CDC42BPA: variants seen among roughly 807,000 people sequenced by gnomAD.
CDC42BPA encodes the protein CDC42 binding protein kinase alpha.
A neutral mutation model predicts 223.5 loss-of-function variants in CDC42BPA; 80 were observed. The observed-to-expected ratio is 0.36, with a 90% CI of 0.30 to 0.43. The LOEUF is 0.43. Among genes scored for constraint, CDC42BPA ranks in the 20% least tolerant of loss-of-function variants. The probability of loss-of-function intolerance (pLI) is 1.00; values close to 1 mark genes in which losing one functional copy is unlikely to be tolerated. For synonymous variants in CDC42BPA, 694 were observed against 718.6 expected (o/e 0.97, Z 0.55); for missense variants, 1,743 against 2,099.9 (o/e 0.83, Z 3.32).
intron 14 of CDC42BPA, among the ~76,000 whole-genome samples, chr1:227,105,307 A>G (rs1558507551): frequency 6.6e-6 from 1 of 151,154 alleles, no homozygotes; most frequent in South Asian, 2.1e-4. Context: ...ACTCCACCCA[A>G]ACCCTGGTAA....
At chr1:227,291,764 A>T (rs955029609) in intron 1 of CDC42BPA, among the ~76,000 whole-genome samples, 2 of 152,016 alleles carry the variant, frequency 1.3e-5, no homozygotes, top group Admixed American at 6.5e-5. Flanking sequence ...CACACTATTA[A>T]CCCTCAACAT....
At chr1:227,047,553 T>C (rs1388693801) in intron 23 of CDC42BPA, among the ~76,000 whole-genome samples, 1 of 152,016 alleles carries the variant, frequency 6.6e-6, no homozygotes, top group Non-Finnish European at 1.5e-5. Context: ...TTATGTCAAA[T>C]AGAATGGGAA....
intron 35 of CDC42BPA, among the ~76,000 whole-genome samples, chr1:226,998,927 A>T (rs1271992219): frequency 6.6e-6 from 1 of 152,192 alleles, no homozygotes; most frequent in Non-Finnish European, 1.5e-5. Flanking sequence ...AGAATCTACA[A>T]GGAACTTAAA....
At chr1:227,065,167 A>G (rs1180908073) in intron 21 of CDC42BPA, among the ~76,000 whole-genome samples, 1 of 152,004 alleles carries the variant, frequency 6.6e-6, no homozygotes, top group Non-Finnish European at 1.5e-5. Context: ...AATATTTTAC[A>G]TAACAATGTA....
chr1:227,294,924 T>G (rs967060476), intron 1 of CDC42BPA, among the ~76,000 whole-genome samples: 13 of 140,336 alleles, frequency 9.3e-5, no homozygotes, highest in African/African-American at 3.4e-4. Flanking sequence ...TTTATCACAT[T>G]AAGTGAAAAA....
In CDC42BPA at chr1:227,256,950, C is replaced by CACACAG. The variant is rs969562090; in HGVS notation, c.179-2796_179-2795insCTGTGT. Among the ~76,000 whole-genome samples the CACACAG allele has an allele frequency of 1.9e-4, 8 of 42,090 alleles. No homozygotes were observed. In the East Asian group the frequency reaches 5.0e-3, roughly 26 times the overall value. The allele number at this position is 42,090 out of a possible 152,430, so 27.6% of individuals were successfully genotyped here. On this transcript the variant is annotated intron_variant, in intron 1 of 36. Coordinates refer to ENST00000366766, the MANE Select transcript of CDC42BPA (RefSeq NM_001394014.1). ...ACAAAATGTGATATATATATACAGA[C>CACACAG]ACACACACACACACACACACACACA...
chr1:227,140,768 G>C (rs1659520132), intron 9 of CDC42BPA, among the ~76,000 whole-genome samples: 1 of 152,176 alleles, frequency 6.6e-6, no homozygotes, highest in Admixed American at 6.5e-5. Flanking sequence ...AGAACTAAAA[G>C]AAAGTTATTT....
intron 2 of CDC42BPA, among the ~76,000 whole-genome samples, chr1:227,237,609 T>G (rs1047170377): frequency 1.3e-5 from 2 of 152,324 alleles, no homozygotes; most frequent in East Asian, 3.9e-4. Context: ...ATGTCAGATA[T>G]TTGGGTTGTG....
chr1:227,205,305 T>TATAC (rs1553394786), intron 3 of CDC42BPA, among the ~76,000 whole-genome samples: 2 of 128,088 alleles, frequency 1.6e-5, no homozygotes, highest in South Asian at 2.5e-4. Context: ...TATATATATA[T>TATAC]ACACACACAC....
At chr1:227,314,997 C>G (rs1198266437) in intron 1 of CDC42BPA, among the ~76,000 whole-genome samples, 1 of 151,882 alleles carries the variant, frequency 6.6e-6, no homozygotes, top group African/African-American at 2.4e-5. Flanking sequence ...GGACATTTCC[C>G]CAAAATGCAG....
intron 1 of CDC42BPA, among the ~76,000 whole-genome samples, chr1:227,259,395 G>C (rs1322629327): frequency 6.6e-6 from 1 of 150,972 alleles, no homozygotes; most frequent in Non-Finnish European, 1.5e-5. Context: ...TCCACATAAT[G>C]AAAGAGAAAA....
At chr1:227,224,193 C>A (rs1288904387) in intron 2 of CDC42BPA, among the ~76,000 whole-genome samples, 2 of 149,916 alleles carry the variant, frequency 1.3e-5, no homozygotes, top group Non-Finnish European at 3.0e-5. Context: ...CTTAGCATAG[C>A]ATACCAAGCC....
intron 20 of CDC42BPA, 22 bp downstream of exon 20, chr1:227,072,186 A>C (rs776634860): frequency 7.6e-7 from 1 of 1,317,632 alleles, no homozygotes; most frequent in Non-Finnish European, 1.1e-6. Context: ...GTCCTGAGTG[A>C]GGCAAACACA....
intron 15 of CDC42BPA, among the ~76,000 whole-genome samples, chr1:227,099,312 C>A (rs1402528916): frequency 6.6e-6 from 1 of 151,846 alleles, no homozygotes; most frequent in Non-Finnish European, 1.5e-5. Context: ...GAAGAAGGCA[C>A]TGTTGTCATA....
chr1:227,286,297 T>G (rs962371862), intron 1 of CDC42BPA, among the ~76,000 whole-genome samples: 3 of 152,222 alleles, frequency 2.0e-5, no homozygotes, highest in Admixed American at 2.0e-4. Flanking sequence ...TCGAATGCTT[T>G]GGTGCTTAGA....
rs1364435167 is a variant in CDC42BPA at position 227,069,830 on chromosome 1, G to T, written c.2851C>A (p.His951Asn). The change falls in exon 21 of 37, where the codon CAT (histidine) becomes AAT (asparagine). Residue 951 changes from histidine to asparagine, a missense_variant. By Grantham distance (68) the His-to-Asn change is moderately conservative. Coordinates refer to ENST00000366766, the MANE Select transcript of CDC42BPA (RefSeq NM_001394014.1). ...EKGIEHQDSQ[H>N]SFLAFLNTPT... ...GTATTCAAAAATGCCAAGAAAGAAT[G>T]CTGTGAGTCTTGGTGCTCTATACCT... 3 of 1,611,492 alleles carry T rather than the reference G, an allele frequency of 1.9e-6. No individual in the cohort carries two copies. In the East Asian group the frequency reaches 6.7e-5, roughly 36 times the overall value.
At chr1:227,222,929 C>T (rs577096556) in intron 2 of CDC42BPA, among the ~76,000 whole-genome samples, 1 of 152,288 alleles carries the variant, frequency 6.6e-6, no homozygotes, top group South Asian at 2.1e-4. Flanking sequence ...TTGGCCCCCA[C>T]AAGTTCCTGC....
At chr1:227,194,020 G>C (rs760290900) in intron 4 of CDC42BPA, 86 bp from the exon 5 acceptor site, 3 of 830,438 alleles carry the variant, frequency 3.6e-6, no homozygotes, top group Non-Finnish European at 5.4e-6. Context: ...ACAGGACTGG[G>C]TCAAATATTT....
intron 6 of CDC42BPA, 71 bp from the exon 7 acceptor site, chr1:227,147,630 CACAAT>C: frequency 1.4e-6 from 1 of 739,046 alleles, no homozygotes; most frequent in Non-Finnish European, 2.1e-6. Context: ...ACTTAAGATA[CACAAT>C]AGACATTATT....
Sources: gnomAD v4.1 joint callset for allele counts (sites outside exome capture counted in the v4.1 genomes callset) on GRCh38, gnomAD v4.1.1 for gene constraint, MANE v1.5 for transcripts, NCBI Gene and HGNC (gene_info 2026-07-23, HGNC 2026-07-21) for gene names.